Variants in CFAP70 observed in about 807,000 individuals in gnomAD.
The protein encoded by CFAP70 is cilia and flagella associated protein 70.
A neutral mutation model predicts 137.6 loss-of-function variants in CFAP70; 81 were observed. The observed-to-expected ratio is 0.59, with a 90% CI of 0.49 to 0.71. The LOEUF is 0.71. CFAP70 is among the 30% of genes least tolerant of loss of function. CFAP70 has a pLI of 0.00. For missense variants in CFAP70, 976 were observed against 1,226.7 expected (o/e 0.80, Z 3.05); for synonymous variants, 382 against 423.6 (o/e 0.90, Z 1.20).
intron 26 of CFAP70, chr10:73,254,300 T>G (rs1168530553): frequency 9.4e-6 from 3 of 320,798 alleles, no homozygotes; most frequent in Non-Finnish European, 1.7e-5. Context: ...GATTTGTACA[T>G]TTTTTTGTAA....
intron 8 of CFAP70, among the ~76,000 whole-genome samples, chr10:73,329,222 C>G (rs1245058322): frequency 6.6e-6 from 1 of 152,144 alleles, no homozygotes; most frequent in Admixed American, 6.5e-5. Flanking sequence ...CCATCACTCT[C>G]AGCAAACTAT....
intron 19 of CFAP70, among the ~76,000 whole-genome samples, chr10:73,280,424 G>T (rs2047175623): frequency 6.6e-6 from 1 of 152,142 alleles, no homozygotes; most frequent in African/African-American, 2.4e-5. Context: ...TGATACCAGG[G>T]TGATTACTGT....
intron 25 of CFAP70, among the ~76,000 whole-genome samples, chr10:73,260,305 A>G (rs12244481): frequency 0.11 from 15,964 of 151,780 alleles, 1,196 homozygotes; most frequent in East Asian, 0.29. Context: ...CTGCACTCCA[A>G]CCTCAGCAAC....
intron 25 of CFAP70, among the ~76,000 whole-genome samples, chr10:73,260,170 T>C (rs950431152): frequency 6.6e-6 from 1 of 151,974 alleles, no homozygotes. Flanking sequence ...CTGGGCAACA[T>C]AGTGAGACTC....
chr10:73,308,059 G>A (rs1170374802), intron 12 of CFAP70, among the ~76,000 whole-genome samples: 3 of 152,048 alleles, frequency 2.0e-5, no homozygotes, highest in Non-Finnish European at 4.4e-5. Context: ...GGAGGCTGAG[G>A]CAGGAGAATT....
chr10:73,305,638 A>C (rs1462742339), intron 12 of CFAP70, among the ~76,000 whole-genome samples: 1 of 152,242 alleles, frequency 6.6e-6, no homozygotes, highest in African/African-American at 2.4e-5. Context: ...CTGGCATTCA[A>C]GGAAATCTGT....
chr10:73,281,317 C>T (rs185967821), intron 19 of CFAP70, among the ~76,000 whole-genome samples: 103 of 151,278 alleles, frequency 6.8e-4, no homozygotes, highest in Middle Eastern at 3.4e-3. Context: ...CCCTAGTAGC[C>T]GGGACTACAG....
rs375808417 is a variant in CFAP70 at position 73,354,714 on chromosome 10, A to G, written c.63+20T>C. On this transcript the variant is annotated intron_variant, in intron 2 of 26. Coordinates refer to ENST00000310715, the Ensembl canonical transcript of CFAP70. ...ACTCCCAAACTAAGGATTTTTGTAA[A>G]TTTCCAAAAGTAACTTTACCAAATC... The G allele has an allele frequency of 5.6e-6, 9 of 1,612,108 alleles. No individual in the cohort carries two copies. In the African/African-American group the frequency reaches 9.3e-5, roughly 17 times the overall value.
intron 7 of CFAP70, among the ~76,000 whole-genome samples, 156 bp downstream of exon 8, chr10:73,335,274 G>A (rs891055052): frequency 6.6e-6 from 1 of 151,944 alleles, no homozygotes; most frequent in African/African-American, 2.4e-5. Flanking sequence ...ATTAGCAGAT[G>A]AACACAACAT....
At position 73,274,423 on chromosome 10, in the gene CFAP70, T is replaced by C. The variant is rs2046544821; in HGVS notation, c.2835+10A>G. 1 of 1,605,704 alleles carries C rather than the reference T, an allele frequency of 6.2e-7. No individual in the cohort carries two copies. The highest frequency in any genetic ancestry group is 8.5e-7 in the Non-Finnish European group (1 of 1,177,206). On this transcript the variant is annotated intron_variant, in intron 23 of 26. Coordinates refer to ENST00000310715, the Ensembl canonical transcript of CFAP70. ...GACCACGGGGTTATTCCCCATTCTCTACCCCTCACCTCTTTCTCTTCCAGA... is the reference window on the plus strand; with the variant it reads ...GACCACGGGGTTATTCCCCATTCTCCACCCCTCACCTCTTTCTCTTCCAGA...
chr10:73,304,251 C>T (rs1433318576), intron 12 of CFAP70, among the ~76,000 whole-genome samples: 1 of 152,002 alleles, frequency 6.6e-6, no homozygotes, highest in Non-Finnish European at 1.5e-5. Context: ...GCAGGGTTTC[C>T]CCACATTGGC....
At chr10:73,325,411 G>C (rs538467322) in intron 8 of CFAP70, among the ~76,000 whole-genome samples, 2 of 152,302 alleles carry the variant, frequency 1.3e-5, no homozygotes, top group African/African-American at 4.8e-5. Context: ...ATTGAGGCTA[G>C]GAAGAAACTG....
chr10:73,256,471 G>C, intron 25 of CFAP70, 55 bp from the exon 27 acceptor site: 1 of 1,601,388 alleles, frequency 6.2e-7, no homozygotes, highest in Non-Finnish European at 8.6e-7. Flanking sequence ...TTATGGTAAG[G>C]AAAATACATT....
At chr10:73,256,939 C>A (rs1564736557) in intron 25 of CFAP70, among the ~76,000 whole-genome samples, 1 of 150,962 alleles carries the variant, frequency 6.6e-6, no homozygotes, top group African/African-American at 2.4e-5. Context: ...AAAAAAATTC[C>A]TCCTTCCTTT....
At chr10:73,265,314 C>T (rs2045652571) in intron 25 of CFAP70, among the ~76,000 whole-genome samples, 1 of 147,896 alleles carries the variant, frequency 6.8e-6, no homozygotes, top group South Asian at 2.1e-4. Context: ...CAGAGAGACT[C>T]CATCTCAAAA....
At chr10:73,351,045 ATG>A (rs776068868) in intron 3 of CFAP70, among the ~76,000 whole-genome samples, 2,978 of 67,988 alleles carry the variant, frequency 0.044, 240 homozygotes, top group Middle Eastern at 0.071. Flanking sequence ...GTGTGTATAT[ATG>A]TGTGTGTGTG....
intron 7 of CFAP70, 30 bp downstream of exon 8, chr10:73,335,400 T>A (rs1343338420): frequency 1.4e-6 from 2 of 1,469,044 alleles, no homozygotes; most frequent in Non-Finnish European, 1.9e-6. Flanking sequence ...CCTTTGTGGG[T>A]TAGACATATG....
Position 73,314,556 on chromosome 10 carries a change from C to T in CFAP70, c.913-1913G>A, listed in dbSNP as rs144531190. ...TTTCACTTAGCATGTTTTTGAGGTT[C>T]GTCCATGCTATAGCATGTGTCAGTT... On this transcript the variant is annotated intron_variant, in intron 9 of 26. Transcript: ENST00000310715. 8.3e-4 allele frequency among the ~76,000 whole-genome samples: 127 copies of T among 152,234 alleles called. 6 individuals are homozygous for T. Among genetic ancestry groups the T allele is most frequent in the African/African-American group, 2.6e-3 (107 of 41,572 alleles).
At chr10:73,292,982 A>C (rs1357427420) in intron 16 of CFAP70, among the ~76,000 whole-genome samples, 1 of 152,078 alleles carries the variant, frequency 6.6e-6, no homozygotes, top group African/African-American at 2.4e-5. Context: ...TATATGTTCC[A>C]TTTGGAGTTG....
Sources: allele counts gnomAD v4.1 joint callset (sites outside exome capture counted in the v4.1 genomes callset), GRCh38; gene constraint gnomAD v4.1.1; transcripts MANE v1.5; gene names NCBI Gene and HGNC (gene_info 2026-07-23, HGNC 2026-07-21).